Variants in SPRED2 observed in about 807,000 individuals in gnomAD.
SPRED2 encodes sprouty related EVH1 domain containing 2, also known as sprouty-related, EVH1 domain-containing protein 2.
Under a neutral mutation model 43.0 loss-of-function variants are expected in SPRED2, and 47 were observed. That is an observed-to-expected ratio of 1.09 (90% confidence interval 0.87 to 1.40). The LOEUF is 1.40. Ranked by LOEUF, SPRED2 falls within the 40% of genes most tolerant of loss-of-function variation. The pLI is 0.00. For synonymous variants in SPRED2, 225 were observed against 225.7 expected, an observed-to-expected ratio of 1.00 and a Z score of 0.03; for missense variants, 561 against 586.4, an observed-to-expected ratio of 0.96 and a Z score of 0.45.
Position 65,351,000 on chromosome 2 carries a change from C to G in SPRED2, c.27-6104G>C, listed in dbSNP as rs771495855. ...ACCCTGCTGGCTGAAAGTAGTGTTA[C>G]AGGTCGTGTCAGATCCAGAAGTTTG... On this transcript the variant is annotated intron_variant, in intron 1 of 5. Transcript: ENST00000356388. Among the ~76,000 whole-genome samples the G allele has an allele frequency of 6.0e-4, 91 of 152,200 alleles. 1 individual carries two copies. The highest frequency in any genetic ancestry group is 6.5e-4 in the Admixed American group (10 of 15,284).
chr2:65,335,796 A>G (rs1231660052), intron 2 of SPRED2, among the ~76,000 whole-genome samples: 2 of 152,232 alleles, frequency 1.3e-5, no homozygotes, highest in South Asian at 4.1e-4. Context: ...ACATTGCAAT[A>G]ATTTGAACGT....
rs142852312 is a variant in SPRED2, at chr2:65,378,637, T to C, written c.27-33741A>G. 5.8e-3 allele frequency among the ~76,000 whole-genome samples: 879 copies of C among 152,282 alleles called. 11 individuals carry two copies. The highest frequency in any genetic ancestry group is 0.02 in the African/African-American group (827 of 41,542). Reference sequence around the variant, plus strand: ...GCAGTGTGGCCCCATAGGGGTGACATTGTGTCCTGTGTGATCCTCAGATGA... The same window carrying C: ...GCAGTGTGGCCCCATAGGGGTGACACTGTGTCCTGTGTGATCCTCAGATGA... On this transcript the variant is annotated intron_variant, in intron 1 of 5. Coordinates refer to ENST00000356388, the MANE Select transcript of SPRED2 (RefSeq NM_181784.3).
At chr2:65,318,887 A>AT (rs1673324639) in intron 4 of SPRED2, among the ~76,000 whole-genome samples, 1 of 152,004 alleles carries the variant, frequency 6.6e-6, no homozygotes, top group South Asian at 2.1e-4. Flanking sequence ...GGCTCAAGTG[A>AT]TCCTCCTGCT....
At chr2:65,411,202 G>A (rs1676150590) in intron 1 of SPRED2, among the ~76,000 whole-genome samples, 1 of 152,180 alleles carries the variant, frequency 6.6e-6, no homozygotes, top group Non-Finnish European at 1.5e-5. Flanking sequence ...TAATCCTCCA[G>A]CAATCTTTTG....
chr2:65,407,847 C>T (rs544831927), intron 1 of SPRED2, among the ~76,000 whole-genome samples: 5 of 152,122 alleles, frequency 3.3e-5, no homozygotes, highest in East Asian at 3.8e-4. Context: ...CTAACATGAC[C>T]GAGTGCAAAG....
intron 1 of SPRED2, among the ~76,000 whole-genome samples, chr2:65,413,060 G>A (rs1423035131): frequency 1.3e-5 from 2 of 152,170 alleles, no homozygotes; most frequent in Admixed American, 6.5e-5. Context: ...CTGATCCTTG[G>A]AACAGTGGGG....
downstream of SPRED2, chr2:65,308,382 T>C (rs1672984721): frequency 1.0e-6 from 1 of 985,342 alleles, no homozygotes; most frequent in Admixed American, 6.1e-5. Context: ...GCAGCCGTCC[T>C]TGGAGCTGTG....
At chr2:65,310,106 G>A (rs1055945266), downstream of SPRED2, among the ~76,000 whole-genome samples, 2 of 152,144 alleles carry the variant, frequency 1.3e-5, no homozygotes, top group Admixed American at 6.5e-5. Flanking sequence ...ACTCCTCCAA[G>A]TCCTCCTCTC....
intron 1 of SPRED2, among the ~76,000 whole-genome samples, chr2:65,388,478 A>T (rs937775197): frequency 1.3e-5 from 2 of 152,176 alleles, no homozygotes; most frequent in African/African-American, 4.8e-5. Context: ...GCCAAGGCCC[A>T]TGGGCTTACG....
At chr2:65,377,876 G>A (rs140681492) in intron 1 of SPRED2, 128 of 359,908 alleles carry the variant, frequency 3.6e-4, no homozygotes, top group African/African-American at 2.5e-3. Flanking sequence ...AGCTGTCCAC[G>A]GAGCTGACTC....
chr2:65,407,662 CA>C (rs1015218256), intron 1 of SPRED2, among the ~76,000 whole-genome samples: 2 of 152,164 alleles, frequency 1.3e-5, no homozygotes, highest in African/African-American at 4.8e-5. Context: ...ACCAAAAGAT[CA>C]ACTCTCCTCA....
At position 65,365,314 on chromosome 2, in the gene SPRED2, A is replaced by G. The variant is rs150319244; in HGVS notation, c.27-20418T>C. ...TCCAAAAACAAATTGGCCATTCTAT[A>G]AAAAGTACACCCCTTAATCTACAAA... On this transcript the variant is annotated intron_variant, in intron 1 of 5. Coordinates refer to ENST00000356388, the MANE Select transcript of SPRED2 (RefSeq NM_181784.3). Among the ~76,000 whole-genome samples, 103 of 152,346 alleles carry G rather than the reference A, an allele frequency of 6.8e-4. No homozygotes were observed. In the East Asian group the frequency reaches 0.018, roughly 27 times the overall value.
intron 1 of SPRED2, chr2:65,373,894 T>G (rs1429071329): frequency 6.6e-6 from 1 of 152,248 alleles, no homozygotes; most frequent in Non-Finnish European, 1.5e-5. Flanking sequence ...AGCAAACTTC[T>G]GTGATGTGTA....
chr2:65,327,898 A>G (rs1218758385), intron 4 of SPRED2, among the ~76,000 whole-genome samples: 1 of 150,368 alleles, frequency 6.7e-6, no homozygotes, highest in Non-Finnish European at 1.5e-5. Context: ...TAATTTTTGT[A>G]TTTTTAGTAG....
intron 4 of SPRED2, among the ~76,000 whole-genome samples, chr2:65,318,751 AT>A (rs138885356): frequency 0.027 from 4,049 of 152,128 alleles, 171 homozygotes; most frequent in African/African-American, 0.093. Flanking sequence ...AGCTCAAGTG[AT>A]CCCCCTGCTT....
At chr2:65,426,201 C>A (rs1676552520) in intron 1 of SPRED2, among the ~76,000 whole-genome samples, 1 of 152,116 alleles carries the variant, frequency 6.6e-6, no homozygotes, top group African/African-American at 2.4e-5. Flanking sequence ...TTTGAGTTAC[C>A]AATGACAGAT....
In SPRED2 at chr2:65,362,560, G is replaced by A. The variant is rs545709527; in HGVS notation, c.27-17664C>T. The stretch of plus-strand genomic sequence containing the variant: ...GTTGGGATTACAGGCGTAAGCCACT[G>A]CGCCCGGCCGTCACCTGTTATGAAG... On this transcript the variant is annotated intron_variant, in intron 1 of 5. Coordinates refer to ENST00000356388, the MANE Select transcript of SPRED2 (RefSeq NM_181784.3). 1.1e-4 allele frequency among the ~76,000 whole-genome samples: 17 copies of A among 152,064 alleles called. No homozygotes were observed. The East Asian group carries it at 2.8e-3, about 25-fold the overall frequency.
chr2:65,374,877 C>T (rs940918660), intron 1 of SPRED2, among the ~76,000 whole-genome samples: 16 of 152,184 alleles, frequency 1.1e-4, no homozygotes, highest in African/African-American at 3.4e-4. Context: ...CAACTTGTTT[C>T]GAGTATCTCC....
chr2:65,413,499 T>C (rs1456555851), intron 1 of SPRED2, among the ~76,000 whole-genome samples: 2 of 152,196 alleles, frequency 1.3e-5, no homozygotes, highest in Non-Finnish European at 2.9e-5. Flanking sequence ...ACCCTCTGTG[T>C]TGTGTTGTCT....
Sources: gnomAD v4.1 joint callset for allele counts (sites outside exome capture counted in the v4.1 genomes callset) on GRCh38, gnomAD v4.1.1 for gene constraint, MANE v1.5 for transcripts, NCBI Gene and HGNC (gene_info 2026-07-23, HGNC 2026-07-21) for gene names.